Variants in KAZN observed in about 807,000 individuals in gnomAD.
KAZN encodes kazrin, periplakin interacting protein.
Under a neutral mutation model 87.4 loss-of-function variants are expected in KAZN, and 40 were observed. The ratio of observed to expected loss-of-function variants is 0.46; its 90% CI spans 0.36 to 0.60. The LOEUF is 0.60. Among genes scored for constraint, KAZN ranks in the 20% least tolerant of loss-of-function variants. The probability of loss-of-function intolerance (pLI) is 0.00; values close to 1 mark genes in which losing one functional copy is unlikely to be tolerated. For missense variants in KAZN, 898 were observed against 1,073.9 expected, an observed-to-expected ratio of 0.84 and a Z score of 2.29; for synonymous variants, 466 against 458.3, an observed-to-expected ratio of 1.02 and a Z score of -0.22.
chr1:14,184,098 T>C lies in KAZN; in HGVS notation c.249+3506T>C, dbSNP rs1646255276. On this transcript the variant is annotated intron_variant, in intron 2 of 16. Transcript: ENST00000636203. The surrounding 1 kb of genome is among the most constrained non-coding windows in gnomAD (Gnocchi z 4.2). ...AAATAAACCACACAACTGTCATCTC[T>C]AAACAAATCTCGAACAAAGTCCATC... Among the ~76,000 whole-genome samples the C allele has an allele frequency of 6.6e-6, 1 of 152,192 alleles. No individual in the cohort carries two copies. Among genetic ancestry groups the C allele is most frequent in the Non-Finnish European group, 1.5e-5 (1 of 68,032 alleles).
intron 2 of KAZN, among the ~76,000 whole-genome samples, chr1:14,356,630 A>C (rs1659050890): frequency 1.3e-5 from 2 of 152,184 alleles, no homozygotes; most frequent in African/African-American, 2.4e-5. Context: ...GTCCAGTTTC[A>C]GTTTTCTGCA....
At chr1:14,716,379 G>A (rs6704445) in intron 1 of KAZN, among the ~76,000 whole-genome samples, 59,483 of 152,048 alleles carry the variant, frequency 0.39, 11,970 homozygotes, top group East Asian at 0.56. Flanking sequence ...GTCATCTTCA[G>A]CTCTTTCCTC....
chr1:14,665,685 C>T (rs1403152032), intron 1 of KAZN, among the ~76,000 whole-genome samples: 2 of 152,128 alleles, frequency 1.3e-5, no homozygotes, highest in Non-Finnish European at 2.9e-5. Context: ...ACCATCCTTA[C>T]CTCCTAACGA....
intron 2 of KAZN, among the ~76,000 whole-genome samples, chr1:14,412,978 T>G (rs1664426996): frequency 6.7e-6 from 1 of 148,442 alleles, no homozygotes. Context: ...TATAAATATA[T>G]AAAATATAAA....
At chr1:14,559,280 T>C (rs184075562) in intron 2 of KAZN, among the ~76,000 whole-genome samples, 1 of 152,272 alleles carries the variant, frequency 6.6e-6, no homozygotes, top group African/African-American at 2.4e-5. Flanking sequence ...TGACGGCAAA[T>C]GCATGTTGAA....
At position 14,172,196 on chromosome 1, in the gene KAZN, A is replaced by G. The variant is rs184739897; in HGVS notation, c.92-8239A>G. On this transcript the variant is annotated intron_variant, in intron 1 of 16. Coordinates refer to the KAZN transcript ENST00000636203. ...ATGACTCAATTTCCTAAACTCAGGT[A>G]GGTAAGAAAGCATATATATGGTTCT... is the stretch of plus-strand genomic sequence containing the variant. 5.3e-5 allele frequency among the ~76,000 whole-genome samples: 8 copies of G among 152,368 alleles called. No individual in the cohort carries two copies. In the East Asian group the frequency reaches 1.5e-3, roughly 29 times the overall value.
chr1:14,990,048 G>C, intron 2 of KAZN, among the ~76,000 whole-genome samples: 1 of 152,180 alleles, frequency 6.6e-6, no homozygotes, highest in Admixed American at 6.5e-5. Flanking sequence ...ACCTGAGGCC[G>C]AGAGATATTC....
chr1:14,579,687 GA>G (rs1006069459), intron 2 of KAZN, among the ~76,000 whole-genome samples: 2 of 150,786 alleles, frequency 1.3e-5, no homozygotes, highest in South Asian at 2.1e-4. Flanking sequence ...GACCACTGCT[GA>G]AAAAAAAATT....
chr1:15,053,433 C>G lies in KAZN; in HGVS notation c.727-2658C>G, dbSNP rs372399537. On this transcript the variant is annotated intron_variant, in intron 4 of 14. Transcript: ENST00000376030. ...ACAACAGAGCTGTTCCCTGGGCCAT[C>G]AACACAACAAAGGCTCTGTGAAGCA... 9.8e-5 allele frequency among the ~76,000 whole-genome samples: 15 copies of G among 152,328 alleles called. No homozygotes were observed. The South Asian group carries it at 2.3e-3, about 23-fold the overall frequency.
chr1:14,259,128 T>C (rs1650809687), intron 2 of KAZN, among the ~76,000 whole-genome samples: 1 of 151,770 alleles, frequency 6.6e-6, no homozygotes, highest in Non-Finnish European at 1.5e-5. Context: ...GGTTTCTGCT[T>C]GGAGATGAGT....
chr1:14,014,055 GC>G (rs1253858246), intron 1 of KAZN, among the ~76,000 whole-genome samples: 2 of 152,176 alleles, frequency 1.3e-5, no homozygotes, highest in African/African-American at 4.8e-5. Context: ...CCATTGAAAA[GC>G]GTTTCATACC....
At chr1:14,924,651 G>T in intron 1 of KAZN, 1 of 825,674 alleles carries the variant, frequency 1.2e-6, no homozygotes, top group Non-Finnish European at 1.5e-6. Flanking sequence ...GCGCGAGGGC[G>T]CTCGGAGCCG....
intron 1 of KAZN, among the ~76,000 whole-genome samples, chr1:14,794,123 G>A (rs190121002): frequency 2.2e-4 from 33 of 152,266 alleles, no homozygotes; most frequent in African/African-American, 6.7e-4. Context: ...TTTGGAGGTG[G>A]CATCCTGGGC....
intron 10 of KAZN, among the ~76,000 whole-genome samples, chr1:15,101,164 TTCTCTC>T (rs143288616): frequency 3.9e-5 from 5 of 127,844 alleles, no homozygotes; most frequent in Non-Finnish European, 6.7e-5. Context: ...GTCTCGGTCT[TTCTCTC>T]TCTCTCTCTC....
At position 14,856,918 on chromosome 1, in the gene KAZN, T is replaced by C. The variant is rs1351866954; in HGVS notation, c.227-103766T>C. ...TAATTAAGCAGAGGAAGCTAAAAGA[T>C]GCTTTGGAAACTATCTTCATCCACA... On this transcript the variant is annotated intron_variant, in intron 1 of 14. Coordinates refer to ENST00000376030, the MANE Select transcript of KAZN (RefSeq NM_201628.3). The surrounding 1 kb of genome is among the most constrained non-coding windows in gnomAD (Gnocchi z 5.2). Among the ~76,000 whole-genome samples, 1 of 152,196 alleles carries C rather than the reference T, an allele frequency of 6.6e-6. No homozygotes were observed. The highest frequency in any genetic ancestry group is 1.5e-5 in the Non-Finnish European group (1 of 68,040).
rs142625554 is a variant in KAZN at position 15,052,113 on chromosome 1, G to A, written c.727-3978G>A. Among the ~76,000 whole-genome samples the A allele has an allele frequency of 1.8e-3, 277 of 152,278 alleles. 3 individuals carry two copies. The highest frequency in any genetic ancestry group is 6.5e-3 in the African/African-American group (270 of 41,564). ...TCAGAGAAATGTGTCAATTGCCACAGGAGAGGATCTAATGCATGTGTGTGT... is the reference window on the plus strand; with the variant it reads ...TCAGAGAAATGTGTCAATTGCCACAAGAGAGGATCTAATGCATGTGTGTGT... On this transcript the variant is annotated intron_variant, in intron 4 of 14. Transcript: ENST00000376030.
intron 2 of KAZN, among the ~76,000 whole-genome samples, chr1:14,532,513 C>T (rs933375090): frequency 2.0e-5 from 3 of 151,228 alleles, no homozygotes; most frequent in Non-Finnish European, 4.4e-5. Context: ...TACATGTGCA[C>T]AATGTGCAGG....
At chr1:15,029,410 C>G (rs775489814) in intron 2 of KAZN, among the ~76,000 whole-genome samples, 3 of 152,218 alleles carry the variant, frequency 2.0e-5, no homozygotes, top group Non-Finnish European at 4.4e-5. Flanking sequence ...GGCACAGGCT[C>G]AGCTCTTGCT....
At chr1:14,375,899 A>C (rs554639718) in intron 2 of KAZN, among the ~76,000 whole-genome samples, 196 of 151,510 alleles carry the variant, frequency 1.3e-3, no homozygotes, top group African/African-American at 4.7e-3. Flanking sequence ...AAAACAAAAA[A>C]AAAAAAAAGA....
Sources: allele counts gnomAD v4.1 joint callset (sites outside exome capture counted in the v4.1 genomes callset), GRCh38; gene constraint gnomAD v4.1.1; non-coding constraint Gnocchi (gnomAD v3.1); transcripts MANE v1.5; gene names NCBI Gene and HGNC (gene_info 2026-07-23, HGNC 2026-07-21).